NFIB: variants seen among roughly 807,000 people sequenced by gnomAD.
NFIB encodes nuclear factor I B.
NFIB carries 11 observed loss-of-function variants against 61.5 expected under a neutral mutation model. That is an observed-to-expected ratio of 0.18 (90% CI 0.11 to 0.30). NFIB has a LOEUF of 0.30. Ranked by LOEUF, NFIB falls within the 10% of genes least tolerant of loss-of-function variation. NFIB has a pLI of 1.00. For synonymous variants in NFIB, 260 were observed against 216.5 expected, an observed-to-expected ratio of 1.20 and a Z score of -1.76; for missense variants, 471 against 608.9, an observed-to-expected ratio of 0.77 and a Z score of 2.38.
intron 2 of NFIB, among the ~76,000 whole-genome samples, chr9:14,261,951 G>A (rs903135408): frequency 1.4e-4 from 21 of 152,206 alleles, no homozygotes; most frequent in African/African-American, 5.1e-4. Context: ...GAGAGACAGA[G>A]GATTGCAAGG....
chr9:14,338,535 G>A (rs1314768086), intron 1 of NFIB, among the ~76,000 whole-genome samples: 2 of 152,196 alleles, frequency 1.3e-5, no homozygotes, highest in Non-Finnish European at 2.9e-5. Flanking sequence ...TAACATCTGA[G>A]CTTCCCTTTA....
In NFIB at chr9:14,307,042, G is replaced by A. The variant is rs1361675460; in HGVS notation, c.509C>T (p.Thr170Ile). ...PALCVQPHHI[T>I]VSVKELDLFL... ...CAAATCAAGCTCCTTAACTGATACT[G>A]TGATATGATGTGGCTGGACACAAAG... Residue 170 changes from threonine to isoleucine, a missense_variant, in exon 2 of 11, where the codon ACA (threonine) becomes ATA (isoleucine). Physicochemically the swap from Thr to Ile is moderately conservative, Grantham distance 89. Around this residue, in one of 2 missense-constraint regions of NFIB, gnomAD observed 372 missense variants for 395.6 expected, o/e 0.94. Transcript: ENST00000380953. The surrounding 1 kb of genome is among the most constrained non-coding windows in gnomAD (Gnocchi z 5.3). 2 of 1,614,188 alleles carry A rather than the reference G, an allele frequency of 1.2e-6. No individual in the cohort carries two copies. The highest frequency in any genetic ancestry group is 1.3e-5 in the African/African-American group (1 of 75,046).
At chr9:14,288,353 GATTA>G (rs1172386165) in intron 2 of NFIB, among the ~76,000 whole-genome samples, 1 of 135,752 alleles carries the variant, frequency 7.4e-6, no homozygotes, top group Non-Finnish European at 1.7e-5. Context: ...ATAAAAAAGA[GATTA>G]ATCAATCAAA....
intron 1 of NFIB, among the ~76,000 whole-genome samples, chr9:14,344,705 T>C (rs1466553155): frequency 6.6e-6 from 1 of 151,758 alleles, no homozygotes; most frequent in Non-Finnish European, 1.5e-5. Context: ...GATTTCATCC[T>C]CCCCACTGAA....
At chr9:14,363,301 G>C (rs2061261717) in intron 1 of NFIB, among the ~76,000 whole-genome samples, 1 of 152,092 alleles carries the variant, frequency 6.6e-6, no homozygotes, top group South Asian at 2.1e-4. Flanking sequence ...CTGTGGCAGT[G>C]GTTCAAAAAC....
At position 14,326,062 on chromosome 9, in the gene NFIB, G is replaced by A. The variant is rs576313581; in HGVS notation, c.109-18542C>T. The stretch of plus-strand genomic sequence containing the variant: ...GACATTTATAAAGTGCCAAATGTTG[G>A]CATTTTGTCAGATTTCATTAGATGA... On this transcript the variant is annotated intron_variant, in intron 1 of 8. Transcript: ENST00000380934. Among the ~76,000 whole-genome samples, 296 of 152,234 alleles carry A rather than the reference G, an allele frequency of 1.9e-3. 3 individuals are homozygous for A. The highest frequency in any genetic ancestry group is 0.01 in the Middle Eastern group (3 of 294).
intron 1 of NFIB, among the ~76,000 whole-genome samples, chr9:14,338,027 A>C (rs1255046638): frequency 6.6e-6 from 1 of 152,152 alleles, no homozygotes; most frequent in Non-Finnish European, 1.5e-5. Context: ...TTCTTTTCTT[A>C]ATATTTTTAC....
chr9:14,507,255 T>G, the NFIB span, among the ~76,000 whole-genome samples: 1 of 152,232 alleles, frequency 6.6e-6, no homozygotes, highest in Non-Finnish European at 1.5e-5. Flanking sequence ...TCCACTATCA[T>G]GATCTTAAAA....
intron 3 of NFIB, 125 bp downstream of exon 3, chr9:14,179,602 T>C: frequency 2.1e-6 from 2 of 947,894 alleles, no homozygotes; most frequent in Non-Finnish European, 3.2e-6. Context: ...TCACATCTTG[T>C]CCCGATCATA....
intron 2 of NFIB, among the ~76,000 whole-genome samples, chr9:14,189,484 A>G (rs2047703415): frequency 6.6e-6 from 1 of 152,154 alleles, no homozygotes; most frequent in Non-Finnish European, 1.5e-5. Context: ...AATACTAGGA[A>G]AAAAATAATT....
intron 4 of NFIB, 35 bp from the exon 5 acceptor site, chr9:14,150,300 A>G (rs146286783): frequency 1.2e-6 from 2 of 1,612,402 alleles, no homozygotes; most frequent in African/African-American, 2.7e-5. Context: ...TGGGAATGAC[A>G]TTCGTATTTC....
chr9:14,350,514 T>TC (rs2061094932), intron 1 of NFIB, among the ~76,000 whole-genome samples: 1 of 140,094 alleles, frequency 7.1e-6, no homozygotes, highest in Non-Finnish European at 1.6e-5. Flanking sequence ...CTGGGTGGGG[T>TC]GGGGGGGGAA....
At chr9:14,167,286 T>C (rs986939997) in intron 3 of NFIB, among the ~76,000 whole-genome samples, 5 of 152,196 alleles carry the variant, frequency 3.3e-5, no homozygotes, top group African/African-American at 4.8e-5. Flanking sequence ...CTCATGCCTG[T>C]AATCCCAGCA....
chr9:14,091,835 T>C lies in NFIB; in HGVS notation c.1468-3509A>G, dbSNP rs1482504656. Among the ~76,000 whole-genome samples the C allele has an allele frequency of 6.6e-5, 10 of 152,186 alleles. No individual in the cohort carries two copies. The East Asian group carries it at 1.9e-3, about 29-fold the overall frequency. On this transcript the variant is annotated intron_variant, in intron 10 of 10. Coordinates refer to ENST00000380953, the MANE Select transcript of NFIB (RefSeq NM_001190737.2). ...CAGAAAAAAACACAAAAGAATTTGA[T>C]AGTACCTTAACACAAAGTACAGCTC...
At position 14,256,585 on chromosome 9, in the gene NFIB, T is replaced by C. The variant is rs144356249; in HGVS notation, c.562+50404A>G. On this transcript the variant is annotated intron_variant, in intron 2 of 10. Coordinates refer to ENST00000380953, the MANE Select transcript of NFIB (RefSeq NM_001190737.2). ...ATATTCTAGCTGCCAATCCACTAAC[T>C]TCCAAAAAGGAAAGTGAATATGCCA... Among the ~76,000 whole-genome samples the C allele has an allele frequency of 1.7e-3, 256 of 152,298 alleles. 2 individuals are homozygous for C. Among genetic ancestry groups the C allele is most frequent in the African/African-American group, 5.6e-3 (232 of 41,568 alleles).
chr9:14,408,114 C>T, the NFIB span, among the ~76,000 whole-genome samples: 1 of 152,134 alleles, frequency 6.6e-6, no homozygotes, highest in Non-Finnish European at 1.5e-5. Context: ...ATTATGTTAG[C>T]TCCAGTAGTG....
the NFIB span, among the ~76,000 whole-genome samples, chr9:14,500,413 G>A: frequency 1.3e-5 from 2 of 151,934 alleles, no homozygotes; most frequent in African/African-American, 4.8e-5. Context: ...AAGATGGCTG[G>A]GTCAACTAAC....
chr9:14,295,658 A>AAAC (rs1209876593), intron 2 of NFIB, among the ~76,000 whole-genome samples: 14 of 151,932 alleles, frequency 9.2e-5, no homozygotes, highest in Admixed American at 9.2e-4. Context: ...ACAAACAAAC[A>AAAC]AACAAAGCAC....
chr9:14,222,754 C>T (rs916990669), intron 2 of NFIB, among the ~76,000 whole-genome samples: 7 of 136,962 alleles, frequency 5.1e-5, no homozygotes, highest in Non-Finnish European at 9.1e-5. Context: ...CATGATCACA[C>T]CACTGCACTC....
Sources: gnomAD v4.1 joint callset for allele counts (sites outside exome capture counted in the v4.1 genomes callset) on GRCh38, gnomAD v4.1.1 for gene constraint, gnomAD v4.1.1 regional missense constraint, Gnocchi (gnomAD v3.1) non-coding constraint, MANE v1.5 for transcripts, NCBI Gene and HGNC (gene_info 2026-07-23, HGNC 2026-07-21) for gene names.